The following DCP1A variants were observed in gnomAD, a reference collection of about 807,000 sequenced individuals.
The protein encoded by DCP1A is mRNA-decapping enzyme 1A.
DCP1A carries 20 observed loss-of-function variants against 58.0 expected under a neutral mutation model. That is an observed-to-expected ratio of 0.34 (90% CI 0.24 to 0.50). The LOEUF is 0.50. DCP1A is among the 20% of genes least tolerant of loss of function. The pLI is 0.98. For synonymous variants in DCP1A, 285 were observed against 275.1 expected, an observed-to-expected ratio of 1.04 and a Z score of -0.36; for missense variants, 613 against 712.2, an observed-to-expected ratio of 0.86 and a Z score of 1.59.
intron 2 of DCP1A, 76 bp from the exon 3 acceptor site, chr3:53,342,347 T>C: frequency 8.9e-7 from 1 of 1,122,848 alleles, no homozygotes; most frequent in Non-Finnish European, 1.3e-6. Context: ...ATGTACTTTA[T>C]TTTCATTTCA....
At chr3:53,299,831 T>A (rs1707254176) in intron 6 of DCP1A, among the ~76,000 whole-genome samples, 1 of 152,224 alleles carries the variant, frequency 6.6e-6, no homozygotes, top group Non-Finnish European at 1.5e-5. Flanking sequence ...CAGATCTCAG[T>A]ATTTCATAAA....
chr3:53,313,511 A>G (rs1707710727), intron 4 of DCP1A, among the ~76,000 whole-genome samples: 1 of 149,932 alleles, frequency 6.7e-6, no homozygotes, highest in Non-Finnish European at 1.5e-5. Flanking sequence ...TTACAGCAAA[A>G]TATTAGGAAC....
chr3:53,315,490 G>A (rs1707774141), intron 4 of DCP1A, among the ~76,000 whole-genome samples: 1 of 127,070 alleles, frequency 7.9e-6, no homozygotes, highest in Non-Finnish European at 1.6e-5. Flanking sequence ...AGTGAACCCA[G>A]ATCACGCCAC....
chr3:53,310,063 A>C (rs1207421153), intron 5 of DCP1A, among the ~76,000 whole-genome samples: 1 of 152,252 alleles, frequency 6.6e-6, no homozygotes, highest in Non-Finnish European at 1.5e-5. Flanking sequence ...AATGCAGATA[A>C]GAGAACAAAA....
intron 8 of DCP1A, 32 bp from the exon 9 acceptor site, chr3:53,288,315 A>G (rs782029481): frequency 7.0e-6 from 11 of 1,561,790 alleles, no homozygotes; most frequent in Non-Finnish European, 8.7e-6. Flanking sequence ...TTTGTACCGA[A>G]GTGCAGAAGC....
At chr3:53,315,532 C>T (rs1164253425) in intron 4 of DCP1A, among the ~76,000 whole-genome samples, 2 of 78,340 alleles carry the variant, frequency 2.6e-5, no homozygotes, top group Non-Finnish European at 5.0e-5. Context: ...AAGACTCTGT[C>T]TCAAAAAAAA....
At chr3:53,289,528 T>C (rs1553685672) in intron 8 of DCP1A, among the ~76,000 whole-genome samples, 1 of 151,454 alleles carries the variant, frequency 6.6e-6, no homozygotes, top group Non-Finnish European at 1.5e-5. Context: ...AGGAGAATCA[T>C]TTGAACCCAG....
intron 3 of DCP1A, among the ~76,000 whole-genome samples, chr3:53,328,656 A>C (rs1417692089): frequency 6.6e-6 from 1 of 152,252 alleles, no homozygotes; most frequent in Non-Finnish European, 1.5e-5. Context: ...AAAGTTACCA[A>C]GAAGGCACTT....
intron 6 of DCP1A, among the ~76,000 whole-genome samples, chr3:53,303,253 G>A (rs1336832783): frequency 6.6e-6 from 1 of 151,896 alleles, no homozygotes; most frequent in Non-Finnish European, 1.5e-5. Flanking sequence ...GCCTGTCCAA[G>A]GGGTGTTACT....
chr3:53,301,677 C>T (rs1553687425), intron 6 of DCP1A, among the ~76,000 whole-genome samples: 1 of 151,944 alleles, frequency 6.6e-6, no homozygotes, highest in African/African-American at 2.4e-5. Flanking sequence ...TTGTAATAAC[C>T]CAAAACTGAA....
In DCP1A at chr3:53,312,356, C is replaced by A. The variant is rs371981905; in HGVS notation, c.395G>T (p.Arg132Leu). ...TTTGTCCCGAGCAGCTTGCTGGGAT[C>A]GCCGTGTCTCCTCTTCTACCACACT... ...MADVVEEETR[R>L]SQQAARDKQS... is the part of the protein sequence containing the mutation. The change falls in exon 5 of 10, where the codon CGA becomes CTA. Residue 132 changes from arginine (R) to leucine (L), a missense_variant. Physicochemically the swap from Arg to Leu is moderately radical, Grantham distance 102. Transcript: ENST00000610213. The A allele has an allele frequency of 2.5e-6, 4 of 1,610,052 alleles. No individual in the cohort carries two copies. The highest frequency in any genetic ancestry group is 3.4e-6 in the Non-Finnish European group (4 of 1,178,376).
intron 1 of DCP1A, among the ~76,000 whole-genome samples, chr3:53,346,122 C>T (rs1204537491): frequency 6.6e-6 from 1 of 152,034 alleles, no homozygotes; most frequent in African/African-American, 2.4e-5. Flanking sequence ...CATTTGTCGG[C>T]AATCCATATT....
intron 2 of DCP1A, among the ~76,000 whole-genome samples, chr3:53,344,343 C>A (rs1553692909): frequency 6.6e-6 from 1 of 152,100 alleles, no homozygotes; most frequent in Non-Finnish European, 1.5e-5. Flanking sequence ...ATTTGCAAAC[C>A]AATCTTAAAG....
chr3:53,292,080 C>T lies in DCP1A; in HGVS notation c.1372G>A (p.Ala458Thr), dbSNP rs1214169078. The T allele has an allele frequency of 3.1e-6, 5 of 1,610,340 alleles. No individual in the cohort carries two copies. Among genetic ancestry groups the T allele is most frequent in the Admixed American group, 3.3e-5 (2 of 59,854 alleles). Residue 458 changes from alanine to threonine, a missense_variant, in exon 7 of 10, where the codon GCT becomes ACT. Coordinates refer to ENST00000610213, the MANE Select transcript of DCP1A (RefSeq NM_018403.7). ...ASASLSNMVL[A>T]PLQSMQQNQD... ...CCTCCTGCCATTACCTGAAGGGGAG[C>T]AAGCACCATGTTGCTCAGGGAGGCT... is the stretch of plus-strand genomic sequence containing the variant.
chr3:53,329,875 G>A (rs1210863784), intron 3 of DCP1A, among the ~76,000 whole-genome samples: 1 of 152,196 alleles, frequency 6.6e-6, no homozygotes, highest in Non-Finnish European at 1.5e-5. Flanking sequence ...CCAGTAAAAA[G>A]ATGCCGTATC....
Position 53,342,219 on chromosome 3 carries a change from T to G in DCP1A, c.229A>C (p.Asn77His). The change falls in exon 3 of 10, where the codon AAT (asparagine) becomes CAT (histidine). Residue 77 changes from asparagine to histidine, a missense_variant. Asn to His is a moderately conservative substitution (Grantham distance 68). This residue lies in a region of DCP1A where 65 missense variants were observed against 118.5 expected (regional missense o/e 0.55). Coordinates refer to ENST00000610213, the MANE Select transcript of DCP1A (RefSeq NM_018403.7). ...TCTTTATTCACTGGTTCAACTAGAT[T>G]GTGCATATTTAGTCGATTCACAATG... ...FTIVNRLNMH[N>H]LVEPVNKDLE... 6.2e-7 allele frequency: 1 copy of G among 1,604,520 alleles called. No homozygotes were observed. The highest frequency in any genetic ancestry group is 8.5e-7 in the Non-Finnish European group (1 of 1,173,790).
In DCP1A at chr3:53,286,061, T is replaced by C. The variant is rs1706622700; in HGVS notation, c.*1519A>G. On this transcript the variant is annotated 3_prime_UTR_variant, in exon 10 of 10. Transcript: ENST00000610213. ...TGTTTAGATCAACAAAAGCCAATCA[T>C]TCTTTATGCTAAAAACTAAGACCAA... is the stretch of plus-strand genomic sequence containing the variant. 1.3e-5 allele frequency: 2 copies of C among 152,230 alleles called. No homozygotes were observed. Among genetic ancestry groups the C allele is most frequent in the African/African-American group, 4.8e-5 (2 of 41,472 alleles). 9.4% of individuals were successfully genotyped at this position (152,230 alleles called of 1,614,324 possible).
chr3:53,298,341 C>A (rs1439163138), intron 6 of DCP1A, among the ~76,000 whole-genome samples: 1 of 152,146 alleles, frequency 6.6e-6, no homozygotes, highest in Non-Finnish European at 1.5e-5. Context: ...ATAACTACTG[C>A]GAGGCCAGAC....
intron 3 of DCP1A, among the ~76,000 whole-genome samples, chr3:53,339,964 A>C (rs543106159): frequency 2.6e-5 from 4 of 152,202 alleles, no homozygotes; most frequent in Non-Finnish European, 4.4e-5. Context: ...CTTGTTGCCC[A>C]GGCTGGAGTG....
Sources: gnomAD v4.1 joint callset for allele counts (sites outside exome capture counted in the v4.1 genomes callset) on GRCh38, gnomAD v4.1.1 for gene constraint, gnomAD v4.1.1 regional missense constraint, MANE v1.5 for transcripts, NCBI Gene and HGNC (gene_info 2026-07-23, HGNC 2026-07-21) for gene names.